Variants in LEMD2 observed in about 807,000 individuals in gnomAD.
LEMD2 encodes the protein LEM domain-containing protein 2.
LEMD2 carries 34 observed loss-of-function variants against 58.8 expected under a neutral mutation model. The observed-to-expected ratio is 0.58, with a 90% CI of 0.44 to 0.77. The LOEUF (loss-of-function observed/expected upper bound fraction) is 0.77. Among genes scored for constraint, LEMD2 ranks in the 30% least tolerant of loss-of-function variants. LEMD2 has a pLI of 0.00. For synonymous variants in LEMD2, 298 were observed against 308.9 expected (o/e 0.96, Z 0.37); for missense variants, 629 against 717.9 (o/e 0.88, Z 1.42).
chr6:33,777,081 G>A, intron 7 of LEMD2, 25 bp from the exon 8 acceptor site: 1 of 1,611,886 alleles, frequency 6.2e-7, no homozygotes, highest in Non-Finnish European at 8.5e-7. Context: ...ACACCATTTA[G>A]GGCAAGGACC....
chr6:33,788,917 C>G lies in LEMD2; in HGVS notation c.200G>C (p.Arg67Pro), dbSNP rs757064567. 77 of 1,466,806 alleles carry G rather than the reference C, an allele frequency of 5.2e-5. No individual in the cohort carries two copies. In the South Asian group the frequency reaches 9.6e-4, roughly 18 times the overall value. The allele number at this position is 1,466,806 out of a possible 1,614,324, so 90.9% of individuals were successfully genotyped here. The stretch of plus-strand genomic sequence containing the variant: ...GCGCAGCGGCGCATCCTCGCGTAAC[C>G]GGGCCTCTTCCCGTAACCGCTCCTC... ...RGEERLREEA[R>P]LREDAPLRAR... The change falls in exon 1 of 9, where the codon CGG (arginine) becomes CCG (proline). Residue 67 changes from arginine to proline, a missense_variant. By Grantham distance (103) the Arg-to-Pro change is moderately radical. Around this residue, in one of 2 missense-constraint regions of LEMD2, gnomAD observed 386 missense variants for 381.1 expected, o/e 1.01. Coordinates refer to ENST00000293760, the MANE Select transcript of LEMD2 (RefSeq NM_181336.4).
At position 33,772,511 on chromosome 6, in the gene LEMD2, CGAGACTG is replaced by C. The variant is rs1767323775; in HGVS notation, c.*110_*116del. 1 of 953,400 alleles carries C rather than the reference CGAGACTG, an allele frequency of 1.0e-6. No homozygotes were observed. The highest frequency in any genetic ancestry group is 1.6e-5 in the African/African-American group (1 of 61,414). 59.1% of individuals were successfully genotyped at this position (953,400 alleles called of 1,614,324 possible). ...GCAGACCTTTGGAATCGTGTCAGGA[CGAGACTG>C]AAAGTCAAGGCAAGTGTGAATTCAG... On this transcript the variant is annotated 3_prime_UTR_variant, in exon 9 of 9. Coordinates refer to ENST00000293760, the MANE Select transcript of LEMD2 (RefSeq NM_181336.4).
chr6:33,771,728 CG>C lies in LEMD2; in HGVS notation c.*899del, dbSNP rs1372097803. 1 of 152,220 alleles carries C rather than the reference CG, an allele frequency of 6.6e-6. No individual in the cohort carries two copies. The highest frequency in any genetic ancestry group is 1.5e-5 in the Non-Finnish European group (1 of 68,042). The allele number at this position is 152,220 out of a possible 1,614,324, so 9.4% of individuals were successfully genotyped here. A position where few individuals can be genotyped will look rare whatever the true frequency, so the allele number is the denominator to read the frequency against. ...CTCTCCCGCCGCCAAGAGCCGCGGC[CG>C]GGGTAACAGAAACGCCGGCTGCGCT... On this transcript the variant is annotated 3_prime_UTR_variant, in exon 9 of 9. Transcript: ENST00000293760.
intron 1 of LEMD2, among the ~76,000 whole-genome samples, chr6:33,787,350 A>G (rs1406859276): frequency 6.6e-6 from 1 of 152,254 alleles, no homozygotes; most frequent in African/African-American, 2.4e-5. Flanking sequence ...CACATAGTTG[A>G]TAAATGCTCT....
At chr6:33,781,663 C>T (rs889577297) in intron 3 of LEMD2, 1 of 153,974 alleles carries the variant, frequency 6.5e-6, no homozygotes, top group African/African-American at 2.4e-5. Context: ...GGGGCAGCTC[C>T]CCCGAGTGGC....
In LEMD2 at chr6:33,772,040, C is replaced by G. The variant is rs1247620730; in HGVS notation, c.*588G>C. 1 of 152,962 alleles carries G rather than the reference C, an allele frequency of 6.5e-6. No homozygotes were observed. The highest frequency in any genetic ancestry group is 1.5e-5 in the Non-Finnish European group (1 of 68,332). 9.5% of individuals were successfully genotyped at this position (152,962 alleles called of 1,614,324 possible). On this transcript the variant is annotated 3_prime_UTR_variant, in exon 9 of 9. Coordinates refer to ENST00000293760, the MANE Select transcript of LEMD2 (RefSeq NM_181336.4). ...GTGCCGGCTGCTCACTCCTCCTGAC[C>G]TGAGGGACCGTGTGTCTGGGCCTGG...
intron 8 of LEMD2, 200 bp downstream of exon 8, chr6:33,776,754 A>C: frequency 1.6e-6 from 1 of 606,282 alleles, no homozygotes; most frequent in Non-Finnish European, 3.0e-6. Context: ...GTGCTTTCAT[A>C]TGTCTTTTCT....
Position 33,778,753 on chromosome 6 carries a change from A to G in LEMD2, c.1011-366T>C, listed in dbSNP as rs1305282335. ...CTAGCTTTGCAATTGCATGGCAAGA[A>G]CTGAAAGACAGAATCTGGGAGGTTG... On this transcript the variant is annotated intron_variant, in intron 5 of 8. Coordinates refer to ENST00000293760, the MANE Select transcript of LEMD2 (RefSeq NM_181336.4). The surrounding 1 kb of genome is among the most constrained non-coding windows in gnomAD (Gnocchi z 4.7). The G allele has an allele frequency of 5.9e-6, 1 of 169,074 alleles. No homozygotes were observed. Among genetic ancestry groups the G allele is most frequent in the Non-Finnish European group, 1.3e-5 (1 of 79,772 alleles). The allele number at this position is 169,074 out of a possible 1,614,324, so 10.5% of individuals were successfully genotyped here.
At chr6:33,784,615 T>G in intron 2 of LEMD2, 188 bp from the exon 3 acceptor site, 1 of 545,572 alleles carries the variant, frequency 1.8e-6, no homozygotes, top group Non-Finnish European at 3.3e-6. Flanking sequence ...TTGGGTTAAC[T>G]GCCTGAGAAA....
At chr6:33,783,229 C>T (rs1767603955) in intron 3 of LEMD2, among the ~76,000 whole-genome samples, 1 of 152,172 alleles carries the variant, frequency 6.6e-6, no homozygotes, top group African/African-American at 2.4e-5. Flanking sequence ...CTGGGCCGTA[C>T]AGAGGAATTC....
chr6:33,780,222 G>A, intron 4 of LEMD2, 43 bp from the exon 5 acceptor site: 1 of 1,490,668 alleles, frequency 6.7e-7, no homozygotes, highest in South Asian at 1.2e-5. Context: ...CGTCTGGGCG[G>A]AGCAGCTGGA....
chr6:33,787,127 T>C (rs1767695744), intron 1 of LEMD2: 1 of 263,418 alleles, frequency 3.8e-6, no homozygotes, highest in African/African-American at 2.3e-5. Flanking sequence ...AAACAAAATA[T>C]AGGAGTTTTG....
intron 6 of LEMD2, among the ~76,000 whole-genome samples, chr6:33,777,601 G>A (rs890767545): frequency 4.6e-4 from 70 of 152,146 alleles, no homozygotes; most frequent in African/African-American, 1.6e-3. Flanking sequence ...TGCTGCTGCC[G>A]ATAATGATTT....
chr6:33,781,464 A>T, intron 3 of LEMD2: 1 of 316,902 alleles, frequency 3.2e-6, no homozygotes, highest in Non-Finnish European at 5.8e-6. Flanking sequence ...TTCGGAAGGT[A>T]CCGGAATGGC....
intron 1 of LEMD2, among the ~76,000 whole-genome samples, chr6:33,787,703 G>A (rs1443207138): frequency 2.0e-5 from 3 of 152,132 alleles, no homozygotes; most frequent in East Asian, 1.9e-4. Context: ...ACCTCTCATT[G>A]GCATATCTAA....
Position 33,772,402 on chromosome 6 carries a change from G to A in LEMD2, c.*226C>T. On this transcript the variant is annotated 3_prime_UTR_variant, in exon 9 of 9. Transcript: ENST00000293760. Reference sequence around the variant, plus strand: ...GTTTCTGCCAGCACAACAGGGCAGAGTCTGGGCTATCACCCTGGCTTCTCC... The same window carrying A: ...GTTTCTGCCAGCACAACAGGGCAGAATCTGGGCTATCACCCTGGCTTCTCC... 2.1e-6 allele frequency: 1 copy of A among 472,452 alleles called. No individual in the cohort carries two copies. Among genetic ancestry groups the A allele is most frequent in the South Asian group, 3.2e-5 (1 of 31,506 alleles). The allele number at this position is 472,452 out of a possible 1,614,324, so 29.3% of individuals were successfully genotyped here. A position where few individuals can be genotyped will look rare whatever the true frequency, so the allele number is the denominator to read the frequency against.
At position 33,780,166 on chromosome 6, in the gene LEMD2, C is replaced by T; in HGVS notation, c.944G>A (p.Ser315Asn). ...TGCGGCTTCAAACTTGGCGGAGGAG[C>T]TGCTGGTCACATTCTGTGGGAGGGC... The part of the protein sequence containing the change: ...AQEYIANVTS[S>N]SSAKFEAALT... Residue 315 changes from serine (S) to asparagine (N), a missense_variant, in exon 5 of 9, where the codon AGC becomes AAC. Ser to Asn is a conservative substitution (Grantham distance 46). This residue lies in a region of LEMD2 where 243 missense variants were observed against 336.8 expected (regional missense o/e 0.72). Transcript: ENST00000293760. 2.5e-6 allele frequency: 4 copies of T among 1,590,506 alleles called. No homozygotes were observed. The highest frequency in any genetic ancestry group is 3.4e-6 in the Non-Finnish European group (4 of 1,167,266).
chr6:33,788,859 C>A lies in LEMD2; in HGVS notation c.258G>T (p.Glu86Asp). 1 of 1,384,882 alleles carries A rather than the reference C, an allele frequency of 7.2e-7. No homozygotes were observed. Among genetic ancestry groups the A allele is most frequent in the Non-Finnish European group, 9.3e-7 (1 of 1,076,734 alleles). 85.8% of individuals were successfully genotyped at this position (1,384,882 alleles called of 1,614,324 possible). Residue 86 changes from glutamate to aspartate, a missense_variant, in exon 1 of 9, where the codon GAG becomes GAT. This residue lies in a region of LEMD2 where 386 missense variants were observed against 381.1 expected (regional missense o/e 1.01). Coordinates refer to ENST00000293760, the MANE Select transcript of LEMD2 (RefSeq NM_181336.4). ...ARPAAASPRAEPWLSQPASGS... is the reference protein window; with the variant it reads ...ARPAAASPRADPWLSQPASGS... ...CCGAGGCCGGCTGGGAGAGCCAGGG[C>A]TCCGCCCGCGGAGAGGCCGCGGCGG... is the stretch of plus-strand genomic sequence containing the variant.
chr6:33,775,990 G>T (rs926964534), intron 8 of LEMD2, among the ~76,000 whole-genome samples: 3 of 152,156 alleles, frequency 2.0e-5, no homozygotes, highest in African/African-American at 4.8e-5. Context: ...ACTGGGGGGG[G>T]CCCTGCTGGC....
Sources: gnomAD v4.1 joint callset for allele counts (sites outside exome capture counted in the v4.1 genomes callset) on GRCh38, gnomAD v4.1.1 for gene constraint, gnomAD v4.1.1 regional missense constraint, Gnocchi (gnomAD v3.1) non-coding constraint, MANE v1.5 for transcripts, NCBI Gene and HGNC (gene_info 2026-07-23, HGNC 2026-07-21) for gene names.